The following STRN variants were observed in gnomAD, a reference collection of about 807,000 sequenced individuals.
The protein encoded by STRN is protein phosphatase 2 regulatory subunit B'''alpha.
A neutral mutation model predicts 96.3 loss-of-function variants in STRN; 53 were observed. The observed-to-expected ratio is 0.55, with a 90% CI of 0.44 to 0.69. The LOEUF (loss-of-function observed/expected upper bound fraction) is 0.69. STRN is among the 30% of genes least tolerant of loss of function. The probability of loss-of-function intolerance (pLI) is 0.00; values close to 1 mark genes in which losing one functional copy is unlikely to be tolerated. For missense variants in STRN, 987 were observed against 963.9 expected (o/e 1.02, Z -0.32); for synonymous variants, 428 against 355.9 (o/e 1.20, Z -2.28).
At chr2:36,957,763 T>TG (rs1328445599) in intron 1 of STRN, among the ~76,000 whole-genome samples, 4 of 121,424 alleles carry the variant, frequency 3.3e-5, no homozygotes, top group Non-Finnish European at 7.0e-5. Flanking sequence ...TTTTTTTTTT[T>TG]TTTTTTTTTG....
intron 9 of STRN, among the ~76,000 whole-genome samples, chr2:36,880,711 C>T (rs1669048464): frequency 6.6e-6 from 1 of 152,166 alleles, no homozygotes; most frequent in African/African-American, 2.4e-5. Flanking sequence ...TCATGTGAGA[C>T]TATGATGGTA....
chr2:36,952,700 TAAAG>T (rs1350059920), intron 1 of STRN, among the ~76,000 whole-genome samples: 3 of 152,198 alleles, frequency 2.0e-5, no homozygotes, highest in Non-Finnish European at 1.5e-5. Flanking sequence ...TGTTGGCAGA[TAAAG>T]AACAGAAAGA....
At chr2:36,854,286 C>G (rs1293687339) in intron 15 of STRN, among the ~76,000 whole-genome samples, 3 of 152,070 alleles carry the variant, frequency 2.0e-5, no homozygotes, top group Admixed American at 2.0e-4. Flanking sequence ...TAATTTCTTG[C>G]TGAAAAAAAT....
intron 9 of STRN, among the ~76,000 whole-genome samples, chr2:36,881,735 G>C (rs965898552): frequency 6.6e-6 from 1 of 152,140 alleles, no homozygotes; most frequent in Non-Finnish European, 1.5e-5. Flanking sequence ...TTGTACATCT[G>C]TCATTTAGTA....
chr2:36,946,984 C>G (rs527725516), intron 1 of STRN, among the ~76,000 whole-genome samples: 1 of 152,218 alleles, frequency 6.6e-6, no homozygotes, highest in Non-Finnish European at 1.5e-5. Context: ...CAACCTCCAC[C>G]TCCCAGGTTC....
intron 12 of STRN, among the ~76,000 whole-genome samples, chr2:36,864,668 T>C (rs532473677): frequency 1.8e-4 from 27 of 152,304 alleles, no homozygotes; most frequent in South Asian, 8.3e-4. Flanking sequence ...GCTGGCCTCA[T>C]AGAATGAGTT....
chr2:36,963,708 A>G (rs775049923), intron 1 of STRN, among the ~76,000 whole-genome samples: 5 of 152,330 alleles, frequency 3.3e-5, no homozygotes, highest in Non-Finnish European at 2.9e-5. Context: ...CTGTAATACC[A>G]GCACTTTGGG....
At chr2:36,889,666 T>C (rs868822507) in intron 7 of STRN, among the ~76,000 whole-genome samples, 18 of 152,112 alleles carry the variant, frequency 1.2e-4, no homozygotes, top group Middle Eastern at 3.4e-3. Context: ...AGAGAACCCT[T>C]AAAATCGTTT....
Position 36,839,541 on chromosome 2 carries a change from T to C in STRN, c.*9915A>G, listed in dbSNP as rs1038278234. 6.6e-6 allele frequency among the ~76,000 whole-genome samples: 1 copy of C among 152,196 alleles called. No homozygotes were observed. The highest frequency in any genetic ancestry group is 2.4e-5 in the African/African-American group (1 of 41,454). On this transcript the variant is annotated 3_prime_UTR_variant, in exon 18 of 18. Coordinates refer to ENST00000263918, the MANE Select transcript of STRN (RefSeq NM_003162.4). ...GTCATTTGCTGGATGCTTATTTTAT[T>C]AGGTGTTTTACATCCGTTATCTCAA...
intron 15 of STRN, 41 bp downstream of exon 15, chr2:36,855,171 T>TA: frequency 6.3e-7 from 1 of 1,597,174 alleles, no homozygotes; most frequent in South Asian, 1.1e-5. Flanking sequence ...TTGATTAAGT[T>TA]AAAAAAATAA....
chr2:36,935,826 G>C (rs140676626), intron 1 of STRN, among the ~76,000 whole-genome samples: 1 of 152,270 alleles, frequency 6.6e-6, no homozygotes, highest in Admixed American at 6.5e-5. Flanking sequence ...ATACGAAGTA[G>C]AAGTATAAAC....
intron 1 of STRN, among the ~76,000 whole-genome samples, chr2:36,928,945 C>T (rs1315565958): frequency 1.5e-5 from 2 of 130,992 alleles, no homozygotes; most frequent in African/African-American, 6.2e-5. Flanking sequence ...GAGACTCCGT[C>T]TCAAAAAAAA....
intron 15 of STRN, among the ~76,000 whole-genome samples, chr2:36,853,802 T>G (rs905151756): frequency 6.6e-6 from 1 of 152,124 alleles, no homozygotes; most frequent in Non-Finnish European, 1.5e-5. Flanking sequence ...TAACAAGGGG[T>G]AGTTCACAGT....
Position 36,887,999 on chromosome 2 carries a change from C to A in STRN, c.932-1173G>T, listed in dbSNP as rs78491544. On this transcript the variant is annotated intron_variant, in intron 7 of 17. Transcript: ENST00000263918. ...GATACCTCCAAGCAAACATACAAAA[C>A]CAAACACCCAACCTCTCTCCCCATC... Among the ~76,000 whole-genome samples the A allele has an allele frequency of 5.2e-3, 792 of 152,294 alleles. 5 individuals are homozygous for A. The highest frequency in any genetic ancestry group is 0.018 in the African/African-American group (734 of 41,548).
chr2:36,883,985 GA>G lies in STRN; in HGVS notation c.1132del (p.Ser378ProfsTer22). 2 of 1,444,256 alleles carry G rather than the reference GA, an allele frequency of 1.4e-6. No homozygotes were observed. Among genetic ancestry groups the G allele is most frequent in the Non-Finnish European group, 1.8e-6 (2 of 1,093,916 alleles). 89.5% of individuals were successfully genotyped at this position (1,444,256 alleles called of 1,614,324 possible). On this transcript the variant is annotated frameshift_variant, in exon 9 of 18. Coordinates refer to ENST00000263918, the MANE Select transcript of STRN (RefSeq NM_003162.4). LOFTEE classifies it high-confidence loss of function. ...PSLQPSVGSP[S>X]RPSSSRLPEH... ...AGGAAGCCTGGAGCTGCTGGGTCTG[GA>G]AGGTGAACCCACAGATGGCTGCAAT...
chr2:36,906,678 C>G (rs971222071), intron 3 of STRN, among the ~76,000 whole-genome samples: 11 of 151,992 alleles, frequency 7.2e-5, no homozygotes, highest in South Asian at 6.2e-4. Context: ...GTAATCCCAG[C>G]ACCTTGGGAG....
Position 36,849,465 on chromosome 2 carries a change from G to C in STRN, c.2334C>G (p.Val778=), listed in dbSNP as rs760034626. The change falls in exon 18 of 18, where the codon GTC becomes GTG. Residue 778 remains valine, a synonymous_variant. Coordinates refer to ENST00000263918, the MANE Select transcript of STRN (RefSeq NM_003162.4). The part of the protein sequence containing the change: ...ASAGADALAK[V]FV The stretch of plus-strand genomic sequence containing the variant: ...AAGATGATGCATTGCGTCATACAAA[G>C]ACTTTAGCCAGTGCGTCAGCTCCAG... 1.2e-6 allele frequency: 2 copies of C among 1,613,998 alleles called. No homozygotes were observed. Among genetic ancestry groups the C allele is most frequent in the Admixed American group, 1.7e-5 (1 of 59,998 alleles).
intron 2 of STRN, among the ~76,000 whole-genome samples, chr2:36,917,853 A>G (rs942417959): frequency 2.0e-5 from 3 of 152,200 alleles, no homozygotes; most frequent in African/African-American, 7.2e-5. Context: ...TCATATGCCA[A>G]TGAACTGATC....
chr2:36,886,907 C>T, intron 7 of STRN, 81 bp from the exon 8 acceptor site: 1 of 1,063,878 alleles, frequency 9.4e-7, no homozygotes, highest in Admixed American at 2.5e-5. Flanking sequence ...AATGACGTAA[C>T]AACCACTTTC....
Sources: gnomAD v4.1 joint callset for allele counts (sites outside exome capture counted in the v4.1 genomes callset) on GRCh38, gnomAD v4.1.1 for gene constraint, MANE v1.5 for transcripts, NCBI Gene and HGNC (gene_info 2026-07-23, HGNC 2026-07-21) for gene names.